The following HSD17B3 variants were observed in gnomAD, a reference collection of about 807,000 sequenced individuals.
HSD17B3 encodes the protein hydroxysteroid 17-beta dehydrogenase 3, also known as 17-beta-hydroxysteroid dehydrogenase type 3.
In HSD17B3, 29 loss-of-function variants were observed where a neutral mutation model predicts 41.1. That is an observed-to-expected ratio of 0.71 (90% CI 0.53 to 0.96). HSD17B3 has a LOEUF of 0.96. HSD17B3 is among the 40% of genes least tolerant of loss of function. The pLI, the probability that HSD17B3 is intolerant of heterozygous loss-of-function variation, is 0.00. For missense variants in HSD17B3, 323 were observed against 374.6 expected (o/e 0.86, Z 1.14); for synonymous variants, 126 against 145.6 (o/e 0.87, Z 0.97).
At chr9:96,251,351 CAT>C in intron 5 of HSD17B3, 65 bp downstream of exon 5, 1 of 1,370,246 alleles carries the variant, frequency 7.3e-7, no homozygotes, top group Non-Finnish European at 1.0e-6. Context: ...AGGCCTGACT[CAT>C]TACCCAGCCA....
chr9:96,277,209 AAG>A (rs1826498461), intron 2 of HSD17B3, among the ~76,000 whole-genome samples: 4 of 151,068 alleles, frequency 2.6e-5, no homozygotes, highest in Admixed American at 6.6e-5. Flanking sequence ...TCAAAAAAAA[AAG>A]AAAGAAAATG....
intron 2 of HSD17B3, chr9:96,256,289 A>G (rs1037287448): frequency 6.6e-6 from 1 of 152,130 alleles, no homozygotes; most frequent in Non-Finnish European, 1.5e-5. Context: ...TATGGTTCCA[A>G]TTTTAGTATA....
intron 9 of HSD17B3, among the ~76,000 whole-genome samples, chr9:96,243,698 C>T (rs1836541969): frequency 6.6e-6 from 1 of 152,208 alleles, no homozygotes; most frequent in Admixed American, 6.5e-5. Context: ...AAATCACTGA[C>T]ACTTTAGGAA....
chr9:96,267,653 T>C (rs2130755130), intron 2 of HSD17B3, among the ~76,000 whole-genome samples: 1 of 151,632 alleles, frequency 6.6e-6, no homozygotes, highest in Non-Finnish European at 1.5e-5. Flanking sequence ...GGAGGGAAGA[T>C]ACAATTGATG....
intron 2 of HSD17B3, among the ~76,000 whole-genome samples, chr9:96,278,019 G>A (rs1385697944): frequency 6.6e-6 from 1 of 152,180 alleles, no homozygotes; most frequent in African/African-American, 2.4e-5. Flanking sequence ...TCACTTATAT[G>A]TGGAATCTAA....
intron 5 of HSD17B3, chr9:96,250,176 G>T: frequency 8.5e-7 from 1 of 1,178,642 alleles, no homozygotes; most frequent in Non-Finnish European, 1.1e-6. Flanking sequence ...TAAGGTAGAG[G>T]TTCTGGGCTA....
intron 9 of HSD17B3, among the ~76,000 whole-genome samples, chr9:96,242,683 G>C (rs1374546175): frequency 6.6e-6 from 1 of 152,136 alleles, no homozygotes; most frequent in Non-Finnish European, 1.5e-5. Context: ...CTCTGCATCA[G>C]GGAAGGGACA....
intron 1 of HSD17B3, among the ~76,000 whole-genome samples, chr9:96,300,339 T>C (rs375162182): frequency 2.1e-5 from 3 of 144,654 alleles, no homozygotes; most frequent in African/African-American, 7.5e-5. Context: ...TTAATTTCCA[T>C]TGCTAAGTTT....
At chr9:96,263,324 T>C (rs1349666722) in intron 2 of HSD17B3, among the ~76,000 whole-genome samples, 3 of 152,144 alleles carry the variant, frequency 2.0e-5, no homozygotes, top group Non-Finnish European at 4.4e-5. Flanking sequence ...GGCTGCACTC[T>C]TCAACACAAA....
rs1810711 is a variant in HSD17B3 at position 96,246,276 on chromosome 9, T to G, written c.524+280A>C. The stretch of plus-strand genomic sequence containing the variant: ...TGAAGTTTTCTTTTACACTCAACAT[T>G]AGTTAATTTTTCTTTAATCCAGTGT... On this transcript the variant is annotated intron_variant, in intron 7 of 10. Transcript: ENST00000375263. Among the ~76,000 whole-genome samples the G allele has an allele frequency of 0.5, 75,842 of 151,974 alleles. 19,202 individuals are homozygous for G. The highest frequency in any genetic ancestry group is 0.58 in the East Asian group (3,005 of 5,164).
chr9:96,262,229 CTTTTTTTTTT>C (rs71368240), intron 2 of HSD17B3, among the ~76,000 whole-genome samples: 122 of 54,202 alleles, frequency 2.3e-3, no homozygotes, highest in African/African-American at 9.4e-3. Flanking sequence ...ATGTCAATTG[CTTTTTTTTTT>C]TTTTTTTTTT....
intron 2 of HSD17B3, among the ~76,000 whole-genome samples, chr9:96,269,194 G>C (rs1469563426): frequency 6.6e-6 from 1 of 152,210 alleles, no homozygotes; most frequent in Non-Finnish European, 1.5e-5. Flanking sequence ...CTGGAACACA[G>C]TGGTAAGTAA....
intron 2 of HSD17B3, among the ~76,000 whole-genome samples, chr9:96,272,405 C>CTATATA (rs1199705437): frequency 1.3e-3 from 29 of 21,524 alleles, no homozygotes; most frequent in East Asian, 2.2e-3. Flanking sequence ...CTCTCTCTCT[C>CTATATA]TATATATATA....
intron 2 of HSD17B3, among the ~76,000 whole-genome samples, chr9:96,276,151 T>C (rs1015032683): frequency 2.1e-5 from 3 of 140,754 alleles, no homozygotes; most frequent in African/African-American, 7.9e-5. Context: ...AGAAGACAAT[T>C]CGATTCACAA....
chr9:96,266,654 C>A (rs1381217938), intron 2 of HSD17B3, among the ~76,000 whole-genome samples: 1 of 152,110 alleles, frequency 6.6e-6, no homozygotes, highest in Non-Finnish European at 1.5e-5. Context: ...TGAGAACTGA[C>A]AAAATGTATA....
intron 5 of HSD17B3, 71 bp downstream of exon 5, chr9:96,251,347 G>T: frequency 7.5e-7 from 1 of 1,328,832 alleles, no homozygotes; most frequent in East Asian, 2.3e-5. Context: ...TCCCAGGCCT[G>T]ACTCATTACC....
At chr9:96,282,477 A>G (rs1156963463) in intron 2 of HSD17B3, among the ~76,000 whole-genome samples, 1 of 152,234 alleles carries the variant, frequency 6.6e-6, no homozygotes, top group Non-Finnish European at 1.5e-5. Flanking sequence ...TTAAGGTCAT[A>G]AACTGCTTCT....
chr9:96,253,989 C>T (rs776662696), intron 3 of HSD17B3, among the ~76,000 whole-genome samples: 2 of 152,250 alleles, frequency 1.3e-5, no homozygotes, highest in Non-Finnish European at 2.9e-5. Context: ...AAACAAGGCT[C>T]ACCCCTGACA....
In HSD17B3 at chr9:96,266,218, A is replaced by C. The variant is rs141315262; in HGVS notation, c.202-11275T>G. Among the ~76,000 whole-genome samples the C allele has an allele frequency of 1.7e-3, 254 of 152,342 alleles. 1 individual carries two copies. Among genetic ancestry groups the C allele is most frequent in the African/African-American group, 5.8e-3 (243 of 41,576 alleles). On this transcript the variant is annotated intron_variant, in intron 2 of 10. Transcript: ENST00000375263. The stretch of plus-strand genomic sequence containing the variant: ...TAGGAAATTTCTCCTTTTAGCGTTT[A>C]GTTTTTTCCTAGGAAAACATAAACC...
Sources: gnomAD v4.1 joint callset for allele counts (sites outside exome capture counted in the v4.1 genomes callset) on GRCh38, gnomAD v4.1.1 for gene constraint, MANE v1.5 for transcripts, NCBI Gene and HGNC (gene_info 2026-07-23, HGNC 2026-07-21) for gene names.